The following MICU1 variants were observed in gnomAD, a reference collection of about 807,000 sequenced individuals.
MICU1 encodes calcium uptake protein 1, mitochondrial.
MICU1 carries 45 observed loss-of-function variants against 56.8 expected under a neutral mutation model. The observed-to-expected ratio is 0.79, with a 90% CI of 0.62 to 1.02. The LOEUF is 1.02. Ranked by LOEUF, MICU1 falls within the 50% of genes least tolerant of loss-of-function variation. The pLI, the probability that MICU1 is intolerant of heterozygous loss-of-function variation, is 0.00. For synonymous variants in MICU1, 186 were observed against 195.1 expected (o/e 0.95, Z 0.39); for missense variants, 504 against 587.1 (o/e 0.86, Z 1.46).
At position 72,382,449 on chromosome 10, in the gene MICU1, G is replaced by A. The variant is rs577880309; in HGVS notation, c.1181-6577C>T. ...CTAAGGGAGAAAAGAGACCAACTGCGCATGTATGGTAGTGAGTGATGTGGG... is the reference window on the plus strand; with the variant it reads ...CTAAGGGAGAAAAGAGACCAACTGCACATGTATGGTAGTGAGTGATGTGGG... On this transcript the variant is annotated intron_variant, in intron 10 of 11. Coordinates refer to ENST00000361114, the MANE Select transcript of MICU1 (RefSeq NM_001195518.2). Among the ~76,000 whole-genome samples, 8 of 152,204 alleles carry A rather than the reference G, an allele frequency of 5.3e-5. No homozygotes were observed. The East Asian group carries it at 9.7e-4, about 18-fold the overall frequency.
Position 72,526,949 on chromosome 10 carries a change from A to G in MICU1, c.537+6797T>C, listed in dbSNP as rs746996636. Among the ~76,000 whole-genome samples, 171 of 141,858 alleles carry G rather than the reference A, an allele frequency of 1.2e-3. 1 individual carries two copies. The highest frequency in any genetic ancestry group is 2.1e-3 in the Non-Finnish European group (128 of 62,228). The allele number at this position is 141,858 out of a possible 152,430, so 93.1% of individuals were successfully genotyped here. On this transcript the variant is annotated intron_variant, in intron 5 of 11. Coordinates refer to ENST00000361114, the MANE Select transcript of MICU1 (RefSeq NM_001195518.2). ...AATGGCTTCAAAAAAAAAAAAAAAA[A>G]AAAGAAAGCACTTCTGAAGATGTCA...
intron 1 of MICU1, among the ~76,000 whole-genome samples, chr10:72,613,721 A>G (rs963669637): frequency 6.6e-6 from 1 of 152,010 alleles, no homozygotes; most frequent in East Asian, 1.9e-4. Flanking sequence ...TTTACAGCTG[A>G]TTTTTCAAAC....
At position 72,582,575 on chromosome 10, in the gene MICU1, T is replaced by C. The variant is rs143678752; in HGVS notation, c.-1-15781A>G. ...AGGTTCAAGACCAACCTGGACAATA[T>C]GGCAAAATTTTGTCTCTACAAAAAA... is the stretch of plus-strand genomic sequence containing the variant. On this transcript the variant is annotated intron_variant, in intron 1 of 11. Coordinates refer to ENST00000361114, the MANE Select transcript of MICU1 (RefSeq NM_001195518.2). 1.9e-3 allele frequency among the ~76,000 whole-genome samples: 292 copies of C among 152,090 alleles called. 4 individuals carry two copies. The highest frequency in any genetic ancestry group is 6.7e-3 in the African/African-American group (279 of 41,502).
chr10:72,409,292 C>T (rs1278577788), intron 9 of MICU1, among the ~76,000 whole-genome samples: 1 of 152,232 alleles, frequency 6.6e-6, no homozygotes, highest in Non-Finnish European at 1.5e-5. Context: ...CAGGAACTCA[C>T]ATCAGGAACT....
At chr10:72,610,458 G>GCAAAGACACAAGCAGAGTTAACAA (rs1475503539) in intron 1 of MICU1, among the ~76,000 whole-genome samples, 8 of 152,018 alleles carry the variant, frequency 5.3e-5, no homozygotes, top group African/African-American at 1.9e-4. Flanking sequence ...AAGACTGTTT[G>GCAAAGACACAAGCAGAGTTAACAA]CAAAGACACA....
At chr10:72,625,906 GC>G (rs1842217238) in intron 1 of MICU1, 103 bp downstream of exon 1, 1 of 153,018 alleles carries the variant, frequency 6.5e-6, no homozygotes, top group African/African-American at 2.4e-5. Context: ...CGGACAAACG[GC>G]CAGCCACGAA....
chr10:72,486,376 G>A (rs1470216123), intron 6 of MICU1, among the ~76,000 whole-genome samples: 1 of 152,184 alleles, frequency 6.6e-6, no homozygotes, highest in Non-Finnish European at 1.5e-5. Context: ...AGGACAAACT[G>A]ACTAACATTA....
intron 5 of MICU1, among the ~76,000 whole-genome samples, chr10:72,532,562 AT>A (rs1243095666): frequency 6.6e-6 from 1 of 152,192 alleles, no homozygotes; most frequent in Non-Finnish European, 1.5e-5. Context: ...AAGTCCTCAC[AT>A]TGGATAGGGT....
At chr10:72,471,650 TAAC>T (rs1214106257) in intron 8 of MICU1, among the ~76,000 whole-genome samples, 1 of 152,200 alleles carries the variant, frequency 6.6e-6, no homozygotes, top group Non-Finnish European at 1.5e-5. Flanking sequence ...TGTGCTTCTT[TAAC>T]TACATTTTTT....
intron 1 of MICU1, among the ~76,000 whole-genome samples, chr10:72,593,374 C>T (rs185152576): frequency 4.6e-5 from 7 of 151,846 alleles, no homozygotes; most frequent in South Asian, 2.1e-4. Flanking sequence ...CTTAGGCAGG[C>T]GGATCACTTG....
intron 8 of MICU1, among the ~76,000 whole-genome samples, chr10:72,471,844 G>A (rs1360894221): frequency 2.6e-5 from 4 of 151,882 alleles, no homozygotes; most frequent in African/African-American, 9.7e-5. Flanking sequence ...TGTTAGATGA[G>A]GTCTACTTCT....
At chr10:72,487,678 G>C (rs995128402) in intron 6 of MICU1, among the ~76,000 whole-genome samples, 2 of 152,170 alleles carry the variant, frequency 1.3e-5, no homozygotes, top group African/African-American at 4.8e-5. Context: ...TTTTGAGAAA[G>C]CCAAAGCTTT....
In MICU1 at chr10:72,569,218, TA is replaced by T. The variant is rs1564939648; in HGVS notation, c.-1-2425del. On this transcript the variant is annotated intron_variant, in intron 1 of 11. Transcript: ENST00000361114. ...AATCATATATATGCATATATATATA[TA>T]TATATATATATATATATATTTTTTT... is the stretch of plus-strand genomic sequence containing the variant. Among the ~76,000 whole-genome samples, 25 of 38,458 alleles carry T rather than the reference TA, an allele frequency of 6.5e-4. 1 individual carries two copies. The South Asian group carries it at 0.013, about 21-fold the overall frequency. 25.2% of individuals were successfully genotyped at this position (38,458 alleles called of 152,430 possible). A position where few individuals can be genotyped will look rare whatever the true frequency, so the allele number is the denominator to read the frequency against.
chr10:72,478,071 G>A (rs1305298153), intron 6 of MICU1, among the ~76,000 whole-genome samples: 1 of 151,890 alleles, frequency 6.6e-6, no homozygotes, highest in Non-Finnish European at 1.5e-5. Context: ...GTTTCACCAT[G>A]TTGACCAGGC....
chr10:72,480,560 G>A (rs1248803618), intron 6 of MICU1, among the ~76,000 whole-genome samples: 2 of 152,144 alleles, frequency 1.3e-5, no homozygotes, highest in African/African-American at 4.8e-5. Context: ...GGAAGCCAAT[G>A]TTTAAAGTGC....
intron 8 of MICU1, among the ~76,000 whole-genome samples, chr10:72,425,288 A>T (rs1357574881): frequency 6.6e-6 from 1 of 152,204 alleles, no homozygotes; most frequent in African/African-American, 2.4e-5. Context: ...GTATGTTGGA[A>T]CTAGATGAAT....
At chr10:72,540,417 T>C (rs1455706390) in intron 4 of MICU1, among the ~76,000 whole-genome samples, 1 of 151,924 alleles carries the variant, frequency 6.6e-6, no homozygotes, top group African/African-American at 2.4e-5. Context: ...CTTACACTTA[T>C]AATCCCAGCA....
chr10:72,538,404 G>C (rs757617011), intron 4 of MICU1, among the ~76,000 whole-genome samples: 9 of 151,100 alleles, frequency 6.0e-5, no homozygotes, highest in Non-Finnish European at 1.3e-4. Flanking sequence ...ATGCAGAGAT[G>C]ATAAGCCTCA....
At chr10:72,548,040 T>C (rs1839939637) in intron 4 of MICU1, among the ~76,000 whole-genome samples, 1 of 152,240 alleles carries the variant, frequency 6.6e-6, no homozygotes, top group South Asian at 2.1e-4. Flanking sequence ...AATGCCTTTA[T>C]ATCTCCAAAT....
Sources: gnomAD v4.1 joint callset for allele counts (sites outside exome capture counted in the v4.1 genomes callset) on GRCh38, gnomAD v4.1.1 for gene constraint, MANE v1.5 for transcripts, NCBI Gene and HGNC (gene_info 2026-07-23, HGNC 2026-07-21) for gene names.